The following SUCLG1 variants were observed in gnomAD, a reference collection of about 807,000 sequenced individuals.
The protein encoded by SUCLG1 is succinate--CoA ligase [ADP/GDP-forming] subunit alpha, mitochondrial.
Under a neutral mutation model 37.3 loss-of-function variants are expected in SUCLG1, and 26 were observed. That is an observed-to-expected ratio of 0.70 (90% CI 0.51 to 0.97). The LOEUF is 0.97. Among genes scored for constraint, SUCLG1 ranks in the 50% least tolerant of loss-of-function variants. The probability of loss-of-function intolerance (pLI) is 0.00; values close to 1 mark genes in which losing one functional copy is unlikely to be tolerated. For synonymous variants in SUCLG1, 163 were observed against 155.6 expected, an observed-to-expected ratio of 1.05 and a Z score of -0.36; for missense variants, 433 against 432.9, an observed-to-expected ratio of 1.00 and a Z score of 0.00.
At chr2:84,446,094 C>A (rs1021896908) in intron 2 of SUCLG1, among the ~76,000 whole-genome samples, 1 of 152,230 alleles carries the variant, frequency 6.6e-6, no homozygotes, top group Non-Finnish European at 1.5e-5. Flanking sequence ...ACTCCTACAT[C>A]TCCTTAACAT....
Position 84,425,492 on chromosome 2 carries a change from C to A in SUCLG1, c.937G>T (p.Glu313Ter). Residue 313 changes from glutamate (E) to a stop codon, truncating the protein, a stop_gained, in exon 8 of 9, where the codon GAG becomes TAG. Coordinates refer to ENST00000393868, the MANE Select transcript of SUCLG1 (RefSeq NM_003849.4). LOFTEE classifies it high-confidence loss of function. The part of the protein sequence containing the change: ...IIAGGKGGAK[E>*]KISALQSAGV... ...GCACTCTGAAGGGCAGAGATCTTCTCTTTAGCTCCACCTTTTCCTCCAGCA... is the reference window on the plus strand; with the variant it reads ...GCACTCTGAAGGGCAGAGATCTTCTATTTAGCTCCACCTTTTCCTCCAGCA... 24 of 1,614,218 alleles carry A rather than the reference C, an allele frequency of 1.5e-5. No homozygotes were observed. Among genetic ancestry groups the A allele is most frequent in the Non-Finnish European group, 1.9e-5 (23 of 1,180,046 alleles).
At position 84,444,766 on chromosome 2, in the gene SUCLG1, T is replaced by G. The variant is rs146533968; in HGVS notation, c.202-1366A>C. Among the ~76,000 whole-genome samples the G allele has an allele frequency of 7.6e-3, 1,159 of 152,206 alleles. 10 individuals carry two copies. Among genetic ancestry groups the G allele is most frequent in the African/African-American group, 0.027 (1,129 of 41,512 alleles). ...GATGGCCGCCCCCCGAAGTGGCCAT[T>G]TTAGAGGCCTACCCTCAGGGATGCA... On this transcript the variant is annotated intron_variant, in intron 2 of 8. Transcript: ENST00000393868.
At chr2:84,457,286 T>G (rs1673037509) in intron 1 of SUCLG1, among the ~76,000 whole-genome samples, 1 of 152,186 alleles carries the variant, frequency 6.6e-6, no homozygotes, top group Non-Finnish European at 1.5e-5. Flanking sequence ...TTTTGTGAAT[T>G]TAGAGGTGTT....
intron 7 of SUCLG1, among the ~76,000 whole-genome samples, chr2:84,430,940 C>T (rs1454663869): frequency 1.3e-5 from 2 of 152,128 alleles, no homozygotes; most frequent in Admixed American, 1.3e-4. Context: ...GAAATGATGA[C>T]ATAACTCAAC....
chr2:84,427,246 C>T (rs967892571), intron 7 of SUCLG1, among the ~76,000 whole-genome samples: 3 of 152,226 alleles, frequency 2.0e-5, no homozygotes, highest in African/African-American at 7.2e-5. Context: ...GACTGCCTTA[C>T]AGATAATTGG....
At chr2:84,454,464 GTTA>G (rs773289789) in intron 1 of SUCLG1, among the ~76,000 whole-genome samples, 1 of 152,142 alleles carries the variant, frequency 6.6e-6, no homozygotes, top group Non-Finnish European at 1.5e-5. Flanking sequence ...TTTTATTAGC[GTTA>G]TTATTACCGA....
chr2:84,449,856 T>C (rs1234771910), intron 1 of SUCLG1, 104 bp from the exon 2 acceptor site: 2 of 833,278 alleles, frequency 2.4e-6, no homozygotes, highest in Non-Finnish European at 3.8e-6. Flanking sequence ...AATTCTTTAA[T>C]GCACGCGCTA....
At chr2:84,449,996 G>C (rs892295140) in intron 1 of SUCLG1, among the ~76,000 whole-genome samples, 1 of 151,976 alleles carries the variant, frequency 6.6e-6, no homozygotes. Flanking sequence ...CGATCTTGTA[G>C]TTTTTTCCTG....
At chr2:84,436,546 G>A (rs371962421) in intron 5 of SUCLG1, among the ~76,000 whole-genome samples, 36 of 152,236 alleles carry the variant, frequency 2.4e-4, no homozygotes, top group African/African-American at 7.5e-4. Flanking sequence ...GCCTCCTACT[G>A]CTGACACAGT....
chr2:84,440,140 C>T (rs1402925034), intron 5 of SUCLG1, among the ~76,000 whole-genome samples: 1 of 152,066 alleles, frequency 6.6e-6, no homozygotes, highest in Non-Finnish European at 1.5e-5. Context: ...TTTGAGAGGC[C>T]GAGGCCAGCA....
At chr2:84,456,401 G>A (rs1313375413) in intron 1 of SUCLG1, among the ~76,000 whole-genome samples, 1 of 152,148 alleles carries the variant, frequency 6.6e-6, no homozygotes, top group African/African-American at 2.4e-5. Context: ...GACCAGTTGG[G>A]TTTTAAGGTT....
Position 84,430,929 on chromosome 2 carries a change from T to C in SUCLG1, c.825+579A>G, listed in dbSNP as rs188422020. ...CAGGGCTTAACTCCCTCAAGCTGAA[T>C]GAAATGATGACATAACTCAACACTA... On this transcript the variant is annotated intron_variant, in intron 7 of 8. Transcript: ENST00000393868. Among the ~76,000 whole-genome samples, 6 of 152,306 alleles carry C rather than the reference T, an allele frequency of 3.9e-5. No homozygotes were observed. The East Asian group carries it at 9.6e-4, about 24-fold the overall frequency.
At position 84,449,762 on chromosome 2, in the gene SUCLG1, TAAAAAAAAAAA is replaced by T; in HGVS notation, c.98-21_98-11del. The T allele has an allele frequency of 3.2e-5, 25 of 791,150 alleles. No homozygotes were observed. Among genetic ancestry groups the T allele is most frequent in the Admixed American group, 7.1e-5 (2 of 27,998 alleles). 49.0% of individuals were successfully genotyped at this position (791,150 alleles called of 1,614,324 possible). On this transcript the variant is annotated splice_polypyrimidine_tract_variant and intron_variant, in intron 1 of 8. Transcript: ENST00000393868. ...ATTCCATTCTGCGGCACTAAGAGGTTAAAAAAAAAAAAAAAAAAAAAAAAAGACACATTATA... is the reference window on the plus strand; with the variant it reads ...ATTCCATTCTGCGGCACTAAGAGGTTAAAAAAAAAAAAAAGACACATTATA...
chr2:84,442,274 T>C (rs996034831), intron 3 of SUCLG1, among the ~76,000 whole-genome samples: 29 of 151,938 alleles, frequency 1.9e-4, no homozygotes, highest in African/African-American at 7.0e-4. Flanking sequence ...AAATCAGCCA[T>C]AATAGAATTT....
chr2:84,442,714 G>A (rs1241002678), intron 3 of SUCLG1, among the ~76,000 whole-genome samples: 2 of 152,168 alleles, frequency 1.3e-5, no homozygotes, highest in African/African-American at 2.4e-5. Context: ...TCAGCAGTTT[G>A]CGGAGAATCT....
chr2:84,444,685 T>C (rs981766321), intron 2 of SUCLG1, among the ~76,000 whole-genome samples: 1 of 152,194 alleles, frequency 6.6e-6, no homozygotes, highest in South Asian at 2.1e-4. Flanking sequence ...CTAATAAGCC[T>C]GGGAGCACTA....
rs1672515332 is a variant in SUCLG1 at position 84,425,327 on chromosome 2, C to G, written c.1014+88G>C. The G allele has an allele frequency of 2.0e-6, 3 of 1,531,594 alleles. No homozygotes were observed. The South Asian group carries it at 3.4e-5, about 17-fold the overall frequency. The allele number at this position is 1,531,594 out of a possible 1,614,324, so 94.9% of individuals were successfully genotyped here. A position where few individuals can be genotyped will look rare whatever the true frequency, so the allele number is the denominator to read the frequency against. On this transcript the variant is annotated intron_variant, in intron 8 of 8. Transcript: ENST00000393868. ...CAGAAAACCAATTAAGTCCCAGAAG[C>G]AAAGGCCATGATTTCCAGGTATCCA...
In SUCLG1 at chr2:84,425,592, G is replaced by C. The variant is rs758220184; in HGVS notation, c.837C>G (p.Ser279=). ...FLKQHNSGPN[S]KPVVSFIAGL... is the part of the protein sequence containing the mutation. ...CAGCAATGAAGGACACTACAGGCTT[G>C]GAATTTGGACCCTAGAAAGAAAGTA... Residue 279 remains serine (S), a synonymous_variant, in exon 8 of 9, where the codon TCC becomes TCG. Transcript: ENST00000393868. 4 of 1,614,090 alleles carry C rather than the reference G, an allele frequency of 2.5e-6. No individual in the cohort carries two copies. In the South Asian group the frequency reaches 3.3e-5, roughly 13 times the overall value.
intron 1 of SUCLG1, among the ~76,000 whole-genome samples, chr2:84,452,120 T>C (rs1210796939): frequency 6.6e-6 from 1 of 151,866 alleles, no homozygotes; most frequent in African/African-American, 2.4e-5. Flanking sequence ...CTCAAATAAT[T>C]CACAATCTAT....
Sources: allele counts gnomAD v4.1 joint callset (sites outside exome capture counted in the v4.1 genomes callset), GRCh38; gene constraint gnomAD v4.1.1; transcripts MANE v1.5; gene names NCBI Gene and HGNC (gene_info 2026-07-23, HGNC 2026-07-21).